The following PLXDC1 variants were observed in gnomAD, a reference collection of about 807,000 sequenced individuals.
PLXDC1 encodes plexin domain-containing protein 1.
In PLXDC1, 39 loss-of-function variants were observed where a neutral mutation model predicts 61.3. The observed-to-expected ratio is 0.64, with a 90% CI of 0.49 to 0.83. The LOEUF (loss-of-function observed/expected upper bound fraction) is 0.83. Ranked by LOEUF, PLXDC1 falls within the 40% of genes least tolerant of loss-of-function variation. PLXDC1 has a pLI of 0.00. For missense variants in PLXDC1, 596 were observed against 666.5 expected, an observed-to-expected ratio of 0.89 and a Z score of 1.17; for synonymous variants, 212 against 254.5, an observed-to-expected ratio of 0.83 and a Z score of 1.59.
chr17:39,100,334 C>T (rs1910378611), intron 7 of PLXDC1, among the ~76,000 whole-genome samples: 1 of 152,156 alleles, frequency 6.6e-6, no homozygotes, highest in Admixed American at 6.5e-5. Context: ...CAGCTCACTG[C>T]AAGCTCCGCC....
chr17:39,109,924 C>T (rs1910739810), intron 2 of PLXDC1, among the ~76,000 whole-genome samples: 3 of 152,154 alleles, frequency 2.0e-5, no homozygotes, highest in African/African-American at 2.4e-5. Context: ...GGGCGGATCA[C>T]GGGAGGTCAG....
At chr17:39,071,545 A>G (rs1909118169) in intron 12 of PLXDC1, among the ~76,000 whole-genome samples, 1 of 152,180 alleles carries the variant, frequency 6.6e-6, no homozygotes, top group South Asian at 2.1e-4. Context: ...CTGTCTGCCA[A>G]CAGGTGGGAG....
rs890128047 is a variant in PLXDC1 at position 39,151,184 on chromosome 17, G to C, written c.76+178C>G. Among the ~76,000 whole-genome samples the C allele has an allele frequency of 2.0e-5, 3 of 152,212 alleles. No homozygotes were observed. The highest frequency in any genetic ancestry group is 4.8e-5 in the African/African-American group (2 of 41,460). On this transcript the variant is annotated intron_variant, in intron 1 of 13. Coordinates refer to ENST00000315392, the MANE Select transcript of PLXDC1 (RefSeq NM_020405.5). The surrounding 1 kb of genome is among the most constrained non-coding windows in gnomAD (Gnocchi z 5.2). ...CTCCACCGTCACTCACACACCCTAT[G>C]TGTTTGGGAAAGTGGGGTCCCTATC...
rs17604091 is a variant in PLXDC1, at chr17:39,082,883, T to G, written c.989+576A>C. 5.2e-3 allele frequency among the ~76,000 whole-genome samples: 786 copies of G among 152,362 alleles called. 2 individuals are homozygous for G. Among genetic ancestry groups the G allele is most frequent in the Non-Finnish European group, 8.7e-3 (591 of 68,034 alleles). ...TGAAACTGAATCTCACCCAGAATTT[T>G]CTGAGCTTCTAAAAGCAAGCAAACA... On this transcript the variant is annotated intron_variant, in intron 9 of 13. Transcript: ENST00000315392.
At chr17:39,098,721 C>T (rs563229005) in intron 7 of PLXDC1, among the ~76,000 whole-genome samples, 7 of 152,182 alleles carry the variant, frequency 4.6e-5, no homozygotes, top group Admixed American at 1.3e-4. Context: ...TGACCTGGGC[C>T]GCTGGAGAGG....
intron 2 of PLXDC1, among the ~76,000 whole-genome samples, chr17:39,135,595 T>G (rs866011602): frequency 6.6e-6 from 1 of 151,162 alleles, no homozygotes; most frequent in Non-Finnish European, 1.5e-5. Flanking sequence ...GAGAAACACT[T>G]GAACCTCGGA....
chr17:39,143,994 G>A (rs1706575677), intron 1 of PLXDC1, among the ~76,000 whole-genome samples: 1 of 152,222 alleles, frequency 6.6e-6, no homozygotes, highest in Non-Finnish European at 1.5e-5. Flanking sequence ...GCCTGGGCAG[G>A]AGCCAGAACA....
intron 7 of PLXDC1, among the ~76,000 whole-genome samples, chr17:39,093,124 G>A (rs750674809): frequency 1.3e-5 from 2 of 152,182 alleles, no homozygotes; most frequent in Non-Finnish European, 2.9e-5. Context: ...CTGGAGTGCC[G>A]TGGTGCAATC....
At chr17:39,138,987 C>G (rs1171167377) in intron 2 of PLXDC1, among the ~76,000 whole-genome samples, 1 of 152,070 alleles carries the variant, frequency 6.6e-6, no homozygotes, top group Non-Finnish European at 1.5e-5. Context: ...CAGGTGCGAA[C>G]CCAGCGTCCA....
chr17:39,085,666 C>T (rs551230399), intron 8 of PLXDC1, among the ~76,000 whole-genome samples: 1 of 152,220 alleles, frequency 6.6e-6, no homozygotes, highest in East Asian at 1.9e-4. Context: ...AGAAGAGGGA[C>T]CAGGAGGGAC....
chr17:39,134,163 A>G (rs1911656306), intron 2 of PLXDC1, among the ~76,000 whole-genome samples: 1 of 151,718 alleles, frequency 6.6e-6, no homozygotes. Context: ...CTGAGGCAGG[A>G]GAATGGTGTG....
In PLXDC1 at chr17:39,131,442, C is replaced by T. The variant is rs139975607; in HGVS notation, c.255+8212G>A. Reference sequence around the variant, plus strand: ...GATCTTGGCTCACTGCAACCTCCACCTCCAGGTTCAAGCGATTCTCCTGCC... The same window carrying T: ...GATCTTGGCTCACTGCAACCTCCACTTCCAGGTTCAAGCGATTCTCCTGCC... On this transcript the variant is annotated intron_variant, in intron 2 of 13. Coordinates refer to ENST00000315392, the MANE Select transcript of PLXDC1 (RefSeq NM_020405.5). Among the ~76,000 whole-genome samples, 403 of 152,116 alleles carry T rather than the reference C, an allele frequency of 2.6e-3. 1 individual carries two copies. Among genetic ancestry groups the T allele is most frequent in the Admixed American group, 7.5e-3 (115 of 15,272 alleles).
intron 2 of PLXDC1, among the ~76,000 whole-genome samples, chr17:39,116,503 C>T (rs1396657807): frequency 6.6e-6 from 1 of 152,202 alleles, no homozygotes; most frequent in East Asian, 1.9e-4. Context: ...TCCCCCATCT[C>T]CAGTGGCAGG....
rs1261964480 is a variant in PLXDC1, at chr17:39,067,874, T to A, written c.1469A>T (p.Glu490Val). The A allele has an allele frequency of 6.2e-7, 1 of 1,613,782 alleles. No homozygotes were observed. The highest frequency in any genetic ancestry group is 1.1e-5 in the South Asian group (1 of 91,084). Residue 490 changes from glutamate to valine, a missense_variant, in exon 14 of 14, where the codon GAG (glutamate) becomes GTG (valine). Physicochemically the swap from Glu to Val is moderately radical, Grantham distance 121. Transcript: ENST00000315392. ...CTCAGCCTCCATGAAGCCCTCCTTCTCATGGCCCGAGGGCTCCACCTCCGC... is the reference window on the plus strand; with the variant it reads ...CTCAGCCTCCATGAAGCCCTCCTTCACATGGCCCGAGGGCTCCACCTCCGC... Reference protein sequence around the residue: ...TYAEVEPSGHEKEGFMEAEQC With the variant: ...TYAEVEPSGHVKEGFMEAEQC
chr17:39,105,044 G>A (rs577370662), intron 7 of PLXDC1, among the ~76,000 whole-genome samples: 4 of 152,320 alleles, frequency 2.6e-5, no homozygotes, highest in African/African-American at 9.6e-5. Context: ...GCCTGGCATG[G>A]CAAGAGTGGA....
At chr17:39,107,639 G>A (rs746849249) in intron 5 of PLXDC1, 114 bp from the exon 6 acceptor site, 5 of 800,904 alleles carry the variant, frequency 6.2e-6, no homozygotes, top group Non-Finnish European at 8.9e-6. Context: ...GGGATGATGG[G>A]GAAGTTTGCA....
intron 7 of PLXDC1, among the ~76,000 whole-genome samples, chr17:39,102,834 A>G (rs1052249893): frequency 6.6e-6 from 1 of 152,170 alleles, no homozygotes; most frequent in African/African-American, 2.4e-5. Flanking sequence ...GAGATGGCGA[A>G]CTGAGAGACA....
At chr17:39,088,942 T>TG (rs1909841193) in intron 7 of PLXDC1, among the ~76,000 whole-genome samples, 1 of 7,448 alleles carries the variant, frequency 1.3e-4, no homozygotes. Context: ...AGAGCAAGAC[T>TG]GAAAAAAAAA....
intron 3 of PLXDC1, 66 bp from the exon 4 acceptor site, chr17:39,109,039 G>T: frequency 7.4e-7 from 1 of 1,360,180 alleles, no homozygotes; most frequent in Non-Finnish European, 1.0e-6. Context: ...CACCCACACT[G>T]CCTCATGCTT....
Sources: gnomAD v4.1 joint callset for allele counts (sites outside exome capture counted in the v4.1 genomes callset) on GRCh38, gnomAD v4.1.1 for gene constraint, Gnocchi (gnomAD v3.1) non-coding constraint, MANE v1.5 for transcripts, NCBI Gene and HGNC (gene_info 2026-07-23, HGNC 2026-07-21) for gene names.